Variants in FMO4 observed in about 807,000 individuals in gnomAD.
FMO4 encodes flavin containing dimethylaniline monoxygenase 4.
A neutral mutation model predicts 43.3 loss-of-function variants in FMO4; 38 were observed. The observed-to-expected ratio is 0.88, with a 90% CI of 0.68 to 1.15. FMO4 has a LOEUF of 1.15. Ranked by LOEUF, FMO4 falls within the 50% of genes most tolerant of loss-of-function variation. The probability of loss-of-function intolerance (pLI) is 0.00; values close to 1 mark genes in which losing one functional copy is unlikely to be tolerated. For synonymous variants in FMO4, 224 were observed against 232.2 expected, an observed-to-expected ratio of 0.96 and a Z score of 0.32; for missense variants, 631 against 663.3, an observed-to-expected ratio of 0.95 and a Z score of 0.54.
chr1:171,325,651 T>TTTA (rs1662625412), intron 5 of FMO4, among the ~76,000 whole-genome samples: 1 of 151,954 alleles, frequency 6.6e-6, no homozygotes, highest in African/African-American at 2.4e-5. Context: ...AACACACAAC[T>TTTA]GTACAGTACT....
chr1:171,323,322 C>G, intron 4 of FMO4, 130 bp downstream of exon 4: 1 of 634,440 alleles, frequency 1.6e-6, no homozygotes, highest in Non-Finnish European at 2.7e-6. Flanking sequence ...ATAATAAGGA[C>G]TCCTCACTTC....
At chr1:171,322,224 G>T (rs1455877325) in intron 3 of FMO4, among the ~76,000 whole-genome samples, 2 of 152,066 alleles carry the variant, frequency 1.3e-5, no homozygotes, top group Non-Finnish European at 2.9e-5. Context: ...ATGAGAAGGA[G>T]CCAATAAAGG....
At position 171,341,921 on chromosome 1, in the gene FMO4, A is replaced by G. The variant is rs1663394370; in HGVS notation, c.*82A>G. ...GTGCATCCCTCCTCTGCTCTCCATC[A>G]TAACTGCTATTAGCCAAATTCAGGC... On this transcript the variant is annotated 3_prime_UTR_variant, in exon 10 of 10. Coordinates refer to ENST00000367749, the MANE Select transcript of FMO4 (RefSeq NM_002022.3). 2 of 1,141,784 alleles carry G rather than the reference A, an allele frequency of 1.8e-6. No homozygotes were observed. The highest frequency in any genetic ancestry group is 1.5e-5 in the African/African-American group (1 of 64,626). The allele number at this position is 1,141,784 out of a possible 1,614,324, so 70.7% of individuals were successfully genotyped here. A position where few individuals can be genotyped will look rare whatever the true frequency, so the allele number is the denominator to read the frequency against.
intron 1 of FMO4, 112 bp downstream of exon 1, chr1:171,314,525 T>C (rs553239776): frequency 6.6e-6 from 1 of 152,252 alleles, no homozygotes; most frequent in Admixed American, 6.5e-5. Flanking sequence ...GATTATCTTC[T>C]TTTGGGGTCT....
chr1:171,333,312 C>T (rs972355911), intron 7 of FMO4, among the ~76,000 whole-genome samples: 2 of 152,088 alleles, frequency 1.3e-5, no homozygotes, highest in Admixed American at 6.6e-5. Context: ...CAATCTCTGC[C>T]TCCTGGGCTC....
intron 3 of FMO4, among the ~76,000 whole-genome samples, chr1:171,320,497 A>G (rs901887770): frequency 1.2e-4 from 19 of 152,190 alleles, no homozygotes; most frequent in Non-Finnish European, 2.6e-4. Flanking sequence ...GCACTAACCA[A>G]TCATTCTTTG....
At chr1:171,341,316 A>G in intron 9 of FMO4, 97 bp from the exon 10 acceptor site, 1 of 860,920 alleles carries the variant, frequency 1.2e-6, no homozygotes. Context: ...CCCCCAAAAA[A>G]TGTAACAAAA....
At chr1:171,316,879 C>T (rs757963012) in intron 2 of FMO4, among the ~76,000 whole-genome samples, 42 of 152,256 alleles carry the variant, frequency 2.8e-4, no homozygotes, top group Non-Finnish European at 1.2e-4. Flanking sequence ...TCCTGGAGGA[C>T]TCAGGAGTCT....
intron 9 of FMO4, among the ~76,000 whole-genome samples, chr1:171,341,085 T>A (rs1663353310): frequency 6.6e-6 from 1 of 152,148 alleles, no homozygotes; most frequent in African/African-American, 2.4e-5. Context: ...ATCTTCTATT[T>A]TTATCATGAA....
chr1:171,331,878 A>G, intron 6 of FMO4, 96 bp downstream of exon 6: 1 of 1,074,464 alleles, frequency 9.3e-7, no homozygotes, highest in Non-Finnish European at 1.4e-6. Context: ...GCCAATTGCT[A>G]AATTATGCAG....
At chr1:171,330,758 A>G (rs968993945) in intron 5 of FMO4, among the ~76,000 whole-genome samples, 1 of 152,162 alleles carries the variant, frequency 6.6e-6, no homozygotes, top group Non-Finnish European at 1.5e-5. Context: ...GACACAGCCA[A>G]ACCACATCAG....
In FMO4 at chr1:171,323,021, G is replaced by A. The variant is rs755829662; in HGVS notation, c.150G>A (p.Gly50=). 5.6e-6 allele frequency: 9 copies of A among 1,612,844 alleles called. No homozygotes were observed. Among genetic ancestry groups the A allele is most frequent in the Non-Finnish European group, 7.6e-6 (9 of 1,179,288 alleles). ...CACCACAGGAATCTTCCAAAGATGGGATGACCAGGGTCTATAAGTCATTAG... is the reference window on the plus strand; with the variant it reads ...CACCACAGGAATCTTCCAAAGATGGAATGACCAGGGTCTATAAGTCATTAG... ...LWKFTESSKD[G]MTRVYKSLVT... The change falls in exon 4 of 10, where the codon GGG becomes GGA. Residue 50 remains glycine (G), a synonymous_variant. Transcript: ENST00000367749.
At chr1:171,332,530 A>AT (rs1662943117) in intron 6 of FMO4, among the ~76,000 whole-genome samples, 179 bp from the exon 7 acceptor site, 1 of 152,194 alleles carries the variant, frequency 6.6e-6, no homozygotes, top group South Asian at 2.1e-4. Flanking sequence ...TAGTAAAGTG[A>AT]TTTTGAGAAC....
intron 9 of FMO4, among the ~76,000 whole-genome samples, chr1:171,340,400 C>G (rs1006499357): frequency 6.6e-6 from 1 of 152,140 alleles, no homozygotes. Flanking sequence ...ACTCCCTCCC[C>G]TCTCCCCCAT....
intron 5 of FMO4, 73 bp downstream of exon 5, chr1:171,324,373 T>G (rs1662574885): frequency 1.7e-6 from 2 of 1,171,290 alleles, no homozygotes; most frequent in African/African-American, 3.1e-5. Flanking sequence ...GATTTGCAGT[T>G]GGAAATACCG....
At chr1:171,318,759 A>T (rs539117092) in intron 2 of FMO4, among the ~76,000 whole-genome samples, 1 of 152,326 alleles carries the variant, frequency 6.6e-6, no homozygotes, top group East Asian at 1.9e-4. Flanking sequence ...TTCTAAAACC[A>T]TTCCAACATT....
At chr1:171,336,718 C>T (rs1663132958) in intron 8 of FMO4, among the ~76,000 whole-genome samples, 1 of 152,116 alleles carries the variant, frequency 6.6e-6, no homozygotes, top group South Asian at 2.1e-4. Context: ...ATTCTCCCAC[C>T]TCAGCCTCCT....
intron 9 of FMO4, among the ~76,000 whole-genome samples, chr1:171,339,954 C>G (rs1295740621): frequency 6.6e-6 from 1 of 152,092 alleles, no homozygotes; most frequent in Non-Finnish European, 1.5e-5. Flanking sequence ...ATGAAGACTA[C>G]GAGTTTTAGC....
At chr1:171,338,929 C>T (rs1663235022) in intron 9 of FMO4, among the ~76,000 whole-genome samples, 1 of 152,132 alleles carries the variant, frequency 6.6e-6, no homozygotes, top group Non-Finnish European at 1.5e-5. Flanking sequence ...TATTTATTTA[C>T]TCACTGAATG....
Sources: allele counts gnomAD v4.1 joint callset (sites outside exome capture counted in the v4.1 genomes callset), GRCh38; gene constraint gnomAD v4.1.1; transcripts MANE v1.5; gene names NCBI Gene and HGNC (gene_info 2026-07-23, HGNC 2026-07-21).